The following LMOD1 variants were observed in gnomAD, a reference collection of about 807,000 sequenced individuals.
LMOD1 encodes leiomodin 1, also known as leiomodin-1.
LMOD1 carries 8 observed loss-of-function variants against 36.5 expected under a neutral mutation model. That is an observed-to-expected ratio of 0.22 (90% CI 0.13 to 0.40). LMOD1 has a LOEUF of 0.40. LMOD1 is among the 10% of genes least tolerant of loss of function. LMOD1 has a pLI of 1.00. For missense variants in LMOD1, 630 were observed against 751.1 expected (o/e 0.84, Z 1.88); for synonymous variants, 284 against 288.7 (o/e 0.98, Z 0.17).
chr1:201,924,704 A>T (rs1355075570), intron 1 of LMOD1, among the ~76,000 whole-genome samples: 2 of 130,174 alleles, frequency 1.5e-5, no homozygotes, highest in African/African-American at 5.2e-5. Context: ...AAAGAAAGAA[A>T]GAAAGAAAGA....
intron 1 of LMOD1, among the ~76,000 whole-genome samples, chr1:201,901,624 G>C (rs1418450163): frequency 1.6e-4 from 2 of 12,622 alleles, no homozygotes; most frequent in African/African-American, 5.8e-4. Context: ...ATATATATGT[G>C]TGTGTGTATA....
chr1:201,910,090 T>C (rs776171840), intron 1 of LMOD1, among the ~76,000 whole-genome samples: 2 of 152,170 alleles, frequency 1.3e-5, no homozygotes, highest in Non-Finnish European at 2.9e-5. Context: ...TTTACTTAAG[T>C]CATTGATGTA....
At chr1:201,918,710 G>A (rs1005480099) in intron 1 of LMOD1, among the ~76,000 whole-genome samples, 6 of 152,164 alleles carry the variant, frequency 3.9e-5, no homozygotes, top group South Asian at 2.1e-4. Context: ...GGAAAAGTTC[G>A]ACTGTACAAC....
rs1416198148 is a variant in LMOD1, at chr1:201,896,466, C to CT, written c.*1905dup. 6.6e-6 allele frequency: 3 copies of CT among 454,820 alleles called. No homozygotes were observed. The Admixed American group carries it at 7.1e-5, about 11-fold the overall frequency. The allele number at this position is 454,820 out of a possible 1,614,324, so 28.2% of individuals were successfully genotyped here. ...CAAACAAAACAGACCTGAGCTCTGA[C>CT]TTTTATTAGCTGTGTGATCATGGAT... On this transcript the variant is annotated 3_prime_UTR_variant, in exon 3 of 3. Coordinates refer to ENST00000367288, the MANE Select transcript of LMOD1 (RefSeq NM_012134.3).
rs547542329 is a variant in LMOD1 at position 201,899,642 on chromosome 1, G to A, written c.1371C>T (p.Ala457=). Reference sequence around the variant, plus strand: ...GATTGGTGACAGTCATTCGGGGCCCGGCCAGCTCAAAATGGTAGCCCAGCT... The same window carrying A: ...GATTGGTGACAGTCATTCGGGGCCCAGCCAGCTCAAAATGGTAGCCCAGCT... ...LLKLGYHFEL[A]GPRMTVTNLL... is the part of the protein sequence containing the mutation. The change falls in exon 2 of 3, where the codon GCC becomes GCT. Residue 457 remains alanine, a synonymous_variant. Transcript: ENST00000367288. This position sits in a 1 kb window ranked among gnomAD's most constrained non-coding sequence, Gnocchi z 6.3. 65 of 1,613,260 alleles carry A rather than the reference G, an allele frequency of 4.0e-5. No homozygotes were observed. Among genetic ancestry groups the A allele is most frequent in the Admixed American group, 2.3e-4 (14 of 59,890 alleles).
intron 1 of LMOD1, among the ~76,000 whole-genome samples, chr1:201,934,669 T>G (rs1681986931): frequency 6.6e-6 from 1 of 152,218 alleles, no homozygotes. Context: ...CTTATCCATA[T>G]TCTCTCTTTT....
chr1:201,936,896 C>T (rs975729568), intron 1 of LMOD1, among the ~76,000 whole-genome samples: 16 of 151,834 alleles, frequency 1.1e-4, no homozygotes, highest in South Asian at 6.2e-4. Flanking sequence ...GCCAAGATTG[C>T]GCCACTGCAT....
Position 201,898,302 on chromosome 1 carries a change from G to T in LMOD1, c.*70C>A, listed in dbSNP as rs1302607931. 2 of 1,522,638 alleles carry T rather than the reference G, an allele frequency of 1.3e-6. No homozygotes were observed. Among genetic ancestry groups the T allele is most frequent in the Non-Finnish European group, 9.0e-7 (1 of 1,107,694 alleles). 94.3% of individuals were successfully genotyped at this position (1,522,638 alleles called of 1,614,324 possible). A position where few individuals can be genotyped will look rare whatever the true frequency, so the allele number is the denominator to read the frequency against. Reference sequence around the variant, plus strand: ...GTCAGCCAGGGATGGGGTGGGCAGGGTCTGTGTAGCCCTGGGAGGTGAGGC... The same window carrying T: ...GTCAGCCAGGGATGGGGTGGGCAGGTTCTGTGTAGCCCTGGGAGGTGAGGC... On this transcript the variant is annotated 3_prime_UTR_variant, in exon 3 of 3. Coordinates refer to ENST00000367288, the MANE Select transcript of LMOD1 (RefSeq NM_012134.3).
rs199860756 is a variant in LMOD1 at position 201,899,899 on chromosome 1, C to T, written c.1114G>A (p.Asp372Asn). 5.5e-4 allele frequency: 883 copies of T among 1,613,814 alleles called. 7 individuals are homozygous for T. Among genetic ancestry groups the T allele is most frequent in the Non-Finnish European group, 7.0e-5 (82 of 1,179,820 alleles). Residue 372 changes from aspartate (D) to asparagine (N), a missense_variant, in exon 2 of 3, where the codon GAT becomes AAT. Around this residue, in one of 3 missense-constraint regions of LMOD1, gnomAD observed 81 missense variants for 180.6 expected, o/e 0.45. Transcript: ENST00000367288. The surrounding 1 kb of genome is among the most constrained non-coding windows in gnomAD (Gnocchi z 6.3). ...GCAATGGCAAAGGCCACGTGGTCAT[C>T]GGCTCGCGTGTTGGCCAAGGCGAAC... is the stretch of plus-strand genomic sequence containing the variant. Reference protein sequence around the residue: ...KLFALANTRADDHVAFAIAIM... With the variant: ...KLFALANTRANDHVAFAIAIM...
At chr1:201,911,801 T>A (rs933256459) in intron 1 of LMOD1, among the ~76,000 whole-genome samples, 1 of 152,108 alleles carries the variant, frequency 6.6e-6, no homozygotes, top group African/African-American at 2.4e-5. Flanking sequence ...TGCTTGGCAA[T>A]GAGACTCAAA....
In LMOD1 at chr1:201,898,095, C is replaced by A. The variant is rs77572082; in HGVS notation, c.*277G>T. Reference sequence around the variant, plus strand: ...CAGCTACATGGGCCCTGGACAGTGCCATCTTCTCAGTGATGTGCTAAAAGG... The same window carrying A: ...CAGCTACATGGGCCCTGGACAGTGCAATCTTCTCAGTGATGTGCTAAAAGG... On this transcript the variant is annotated 3_prime_UTR_variant, in exon 3 of 3. Coordinates refer to ENST00000367288, the MANE Select transcript of LMOD1 (RefSeq NM_012134.3). 3.3e-3 allele frequency: 1,686 copies of A among 512,996 alleles called. 28 individuals carry two copies. The highest frequency in any genetic ancestry group is 0.03 in the African/African-American group (1,551 of 51,514). The allele number at this position is 512,996 out of a possible 1,614,324, so 31.8% of individuals were successfully genotyped here.
At chr1:201,914,318 G>C (rs755667604) in intron 1 of LMOD1, among the ~76,000 whole-genome samples, 1 of 152,136 alleles carries the variant, frequency 6.6e-6, no homozygotes, top group Non-Finnish European at 1.5e-5. Context: ...CCAATGCTGA[G>C]GACCAGCTTG....
chr1:201,940,679 G>A (rs561647063), intron 1 of LMOD1, among the ~76,000 whole-genome samples: 47 of 149,706 alleles, frequency 3.1e-4, no homozygotes, highest in Admixed American at 1.7e-3. Flanking sequence ...TCCGCCTCCC[G>A]GGTCAAGTGA....
Position 201,899,561 on chromosome 1 carries a change from C to T in LMOD1, c.1452G>A (p.Gln484=), listed in dbSNP as rs1189916185. ...QRQKRLQEQR[Q]AQEAKGEKKD... ...TCTTCTCTCCCTTGGCTTCCTGTGC[C>T]TGCCTTTGCTCCTGCAGCCGCTTTT... Residue 484 remains glutamine (Q), a synonymous_variant, in exon 2 of 3, where the codon CAG becomes CAA. Coordinates refer to ENST00000367288, the MANE Select transcript of LMOD1 (RefSeq NM_012134.3). The surrounding 1 kb of genome is among the most constrained non-coding windows in gnomAD (Gnocchi z 6.3). 13 of 1,613,512 alleles carry T rather than the reference C, an allele frequency of 8.1e-6. No homozygotes were observed. Among genetic ancestry groups the T allele is most frequent in the Non-Finnish European group, 1.1e-5 (13 of 1,179,780 alleles).
chr1:201,898,653 C>CA (rs1287243643), intron 2 of LMOD1, among the ~76,000 whole-genome samples: 1 of 152,118 alleles, frequency 6.6e-6, no homozygotes, highest in African/African-American at 2.4e-5. Flanking sequence ...GGTATCCAAC[C>CA]AAATGGACAA....
chr1:201,910,709 T>A (rs1333455483), intron 1 of LMOD1, among the ~76,000 whole-genome samples: 2 of 144,454 alleles, frequency 1.4e-5, no homozygotes, highest in Non-Finnish European at 3.0e-5. Context: ...TGGGAGTCGG[T>A]GGTAACATTT....
intron 1 of LMOD1, among the ~76,000 whole-genome samples, chr1:201,901,158 A>C (rs1464449076): frequency 1.3e-5 from 2 of 152,118 alleles, no homozygotes; most frequent in Admixed American, 1.3e-4. Context: ...CCTGTCTTTA[A>C]AATTTTGCAT....
chr1:201,944,706 C>A (rs763925302), intron 1 of LMOD1, among the ~76,000 whole-genome samples: 16 of 131,408 alleles, frequency 1.2e-4, no homozygotes, highest in Non-Finnish European at 2.1e-4. Flanking sequence ...CTCTTCTTGG[C>A]AAAGGCTTAA....
At chr1:201,919,292 C>G (rs569713050) in intron 1 of LMOD1, among the ~76,000 whole-genome samples, 1 of 152,002 alleles carries the variant, frequency 6.6e-6, no homozygotes, top group South Asian at 2.1e-4. Flanking sequence ...GCAACCTCCG[C>G]CTCCTGGGTT....
Sources: allele counts gnomAD v4.1 joint callset (sites outside exome capture counted in the v4.1 genomes callset), GRCh38; gene constraint gnomAD v4.1.1; regional missense constraint gnomAD v4.1.1; non-coding constraint Gnocchi (gnomAD v3.1); transcripts MANE v1.5; gene names NCBI Gene and HGNC (gene_info 2026-07-23, HGNC 2026-07-21).